CCDC141: variants seen among roughly 807,000 people sequenced by gnomAD.
CCDC141 encodes coiled-coil domain-containing protein 141.
A neutral mutation model predicts 181.0 loss-of-function variants in CCDC141; 168 were observed. The observed-to-expected ratio is 0.93, with a 90% confidence interval of 0.82 to 1.05. The LOEUF (loss-of-function observed/expected upper bound fraction) is 1.05, where lower values mean the gene tolerates loss of function less well. Ranked by LOEUF, CCDC141 falls within the 50% of genes least tolerant of loss-of-function variation. The probability of loss-of-function intolerance (pLI) is 0.00; values close to 1 mark genes in which losing one functional copy is unlikely to be tolerated. For missense variants in CCDC141, 1,902 were observed against 1,788.5 expected, an observed-to-expected ratio of 1.06 and a Z score of -1.14; for synonymous variants, 666 against 642.3, an observed-to-expected ratio of 1.04 and a Z score of -0.56.
chr2:179,001,556 A>G (rs1190267180), intron 2 of CCDC141, among the ~76,000 whole-genome samples: 1 of 152,190 alleles, frequency 6.6e-6, no homozygotes, highest in South Asian at 2.1e-4. Context: ...TGAACTAAAA[A>G]GATCAGAGGA....
At position 178,837,280 on chromosome 2, in the gene CCDC141, G is replaced by T; in HGVS notation, c.3939C>A (p.His1313Gln). 3 of 1,614,104 alleles carry T rather than the reference G, an allele frequency of 1.9e-6. No individual in the cohort carries two copies. The highest frequency in any genetic ancestry group is 2.5e-6 in the Non-Finnish European group (3 of 1,179,988). ...TCTCTGGATGTTCAGCACTGATTCT[G>T]TGTAAGGCAGTACTCTTTTCCACGA... ...RGFVEKSTAL[H>Q]RISAEHPESM... Residue 1313 changes from histidine to glutamine, a missense_variant, in exon 23 of 24, where the codon CAC (histidine) becomes CAA (glutamine). Coordinates refer to ENST00000443758, the MANE Select transcript of CCDC141 (RefSeq NM_173648.4).
At chr2:178,908,147 C>T (rs1232358318) in intron 7 of CCDC141, among the ~76,000 whole-genome samples, 4 of 152,126 alleles carry the variant, frequency 2.6e-5, no homozygotes, top group Non-Finnish European at 5.9e-5. Context: ...ATTTGTATTA[C>T]TTATTTTGAA....
intron 2 of CCDC141, among the ~76,000 whole-genome samples, chr2:179,003,708 A>G (rs2047868): frequency 0.12 from 18,405 of 152,184 alleles, 1,327 homozygotes; most frequent in African/African-American, 0.19. Context: ...CTTATTTCTG[A>G]TTTGAAATGT....
At chr2:178,951,291 G>A (rs1353664912) in intron 5 of CCDC141, among the ~76,000 whole-genome samples, 2 of 152,226 alleles carry the variant, frequency 1.3e-5, no homozygotes, top group African/African-American at 4.8e-5. Flanking sequence ...GTGAGATAAA[G>A]AGAGTGAGAG....
intron 2 of CCDC141, among the ~76,000 whole-genome samples, chr2:178,978,991 A>G (rs1446023223): frequency 2.6e-5 from 4 of 152,216 alleles, no homozygotes. Flanking sequence ...TCCAAAAAAA[A>G]TAAGAAAAGT....
rs1265824172 is a variant in CCDC141, at chr2:179,020,662, T to C, written c.225+26622A>G. Among the ~76,000 whole-genome samples, 4 of 152,088 alleles carry C rather than the reference T, an allele frequency of 2.6e-5. No individual in the cohort carries two copies. The South Asian group carries it at 6.3e-4, about 24-fold the overall frequency. ...CCCTGAGACTCAGCTCCCTTACCTG[T>C]GAAAATGAGTCCATACCACACTGGC... On this transcript the variant is annotated intron_variant, in intron 2 of 23. Transcript: ENST00000443758.
chr2:179,031,286 GCA>G (rs1478963465), intron 2 of CCDC141, among the ~76,000 whole-genome samples: 1 of 151,324 alleles, frequency 6.6e-6, no homozygotes. Flanking sequence ...TTGAATATGT[GCA>G]CAGAGTTGTT....
chr2:178,891,349 G>A (rs972671011), intron 8 of CCDC141, among the ~76,000 whole-genome samples: 1 of 152,146 alleles, frequency 6.6e-6, no homozygotes, highest in Non-Finnish European at 1.5e-5. Context: ...GAGGAACAGA[G>A]ACAGTCTCAG....
Position 179,049,888 on chromosome 2 carries a change from T to G in CCDC141, c.54A>C (p.Ser18=). 1 of 1,550,806 alleles carries G rather than the reference T, an allele frequency of 6.4e-7. No homozygotes were observed. The highest frequency in any genetic ancestry group is 8.7e-7 in the Non-Finnish European group (1 of 1,146,982). ...SVALSTTTVS[S]VAVQAGDSKI... is the part of the protein sequence containing the mutation. ...TGGAGTCCCCAGCCTGCACAGCAAC[T>G]GAACTGACTGTCGTCGTAGAAAGCG... Residue 18 remains serine, a synonymous_variant, in exon 1 of 24, where the codon TCA becomes TCC. Coordinates refer to ENST00000443758, the MANE Select transcript of CCDC141 (RefSeq NM_173648.4).
At chr2:178,956,454 G>T (rs1690166128) in intron 5 of CCDC141, among the ~76,000 whole-genome samples, 1 of 152,076 alleles carries the variant, frequency 6.6e-6, no homozygotes, top group Non-Finnish European at 1.5e-5. Context: ...ATGGCACCAT[G>T]CCTGGCTAAT....
intron 2 of CCDC141, among the ~76,000 whole-genome samples, chr2:179,009,620 T>C (rs1005263833): frequency 7.0e-6 from 1 of 142,996 alleles, no homozygotes; most frequent in African/African-American, 2.6e-5. Flanking sequence ...GTAAACCATC[T>C]ATAGGTCTCT....
the CCDC141 span, among the ~76,000 whole-genome samples, chr2:178,823,233 G>C: frequency 2.6e-5 from 4 of 152,076 alleles, no homozygotes; most frequent in Admixed American, 2.6e-4. Context: ...TGAGTCAATA[G>C]TTATATAAGA....
chr2:179,008,247 A>T (rs1188131257), intron 2 of CCDC141, among the ~76,000 whole-genome samples: 1 of 152,204 alleles, frequency 6.6e-6, no homozygotes, highest in Non-Finnish European at 1.5e-5. Flanking sequence ...CTTTGCTAAC[A>T]TTAGAGTTCA....
chr2:178,974,085 A>G (rs1691017752), intron 4 of CCDC141, among the ~76,000 whole-genome samples: 1 of 152,120 alleles, frequency 6.6e-6, no homozygotes. Context: ...AATCTTACAT[A>G]GGAAAGATTG....
chr2:178,848,730 G>A (rs981688284), intron 21 of CCDC141, among the ~76,000 whole-genome samples: 8 of 152,126 alleles, frequency 5.3e-5, no homozygotes, highest in Middle Eastern at 6.8e-3. Context: ...ACTGATTTTC[G>A]GCCTTCGTAT....
At chr2:178,920,406 C>T (rs1688632197) in intron 6 of CCDC141, among the ~76,000 whole-genome samples, 1 of 152,096 alleles carries the variant, frequency 6.6e-6, no homozygotes, top group Non-Finnish European at 1.5e-5. Context: ...TATGCTAAGA[C>T]AGATGCCTTG....
intron 12 of CCDC141, 110 bp from the exon 13 acceptor site, chr2:178,872,422 A>C: frequency 1.0e-6 from 1 of 980,224 alleles, no homozygotes; most frequent in Non-Finnish European, 1.5e-6. Context: ...AAAGCCGAAG[A>C]TGGTTCTGAC....
At chr2:178,909,720 G>A (rs1002497312) in intron 7 of CCDC141, among the ~76,000 whole-genome samples, 1 of 152,066 alleles carries the variant, frequency 6.6e-6, no homozygotes, top group Non-Finnish European at 1.5e-5. Flanking sequence ...TAAAGAACCT[G>A]ATATATCGGA....
rs143925511 is a variant in CCDC141 at position 178,837,925 on chromosome 2, A to G, written c.3475-181T>C. Among the ~76,000 whole-genome samples, 8 of 152,336 alleles carry G rather than the reference A, an allele frequency of 5.3e-5. No homozygotes were observed. In the South Asian group the frequency reaches 8.3e-4, roughly 16 times the overall value. The stretch of plus-strand genomic sequence containing the variant: ...GTCTGTCGATCCTGAGCACAGTCCC[A>G]CTTCTCATGACTAAGGAATCATTAT... On this transcript the variant is annotated intron_variant, in intron 22 of 23. Transcript: ENST00000443758.
Sources: gnomAD v4.1 joint callset for allele counts (sites outside exome capture counted in the v4.1 genomes callset) on GRCh38, gnomAD v4.1.1 for gene constraint, MANE v1.5 for transcripts, NCBI Gene and HGNC (gene_info 2026-07-23, HGNC 2026-07-21) for gene names.